Variants in EYS observed in about 807,000 individuals in gnomAD.
The protein encoded by EYS is protein eyes shut homolog.
Under a neutral mutation model 282.1 loss-of-function variants are expected in EYS, and 250 were observed. That is an observed-to-expected ratio of 0.89 (90% confidence interval 0.80 to 0.98). The LOEUF is 0.98. EYS is among the 50% of genes least tolerant of loss of function. The probability of loss-of-function intolerance (pLI) is 0.00; values close to 1 mark genes in which losing one functional copy is unlikely to be tolerated. For synonymous variants in EYS, 1,355 were observed against 1,282.9 expected (o/e 1.06, Z -1.20); for missense variants, 4,016 against 3,709.0 (o/e 1.08, Z -2.15).
intron 33 of EYS, among the ~76,000 whole-genome samples, chr6:64,058,164 T>G (rs764583721): frequency 8.5e-5 from 13 of 152,068 alleles, no homozygotes; most frequent in Admixed American, 3.3e-4. Flanking sequence ...CTGCACATGT[T>G]GTCTTGCCTG....
chr6:63,755,929 T>TATTGG (rs1454934726), intron 41 of EYS, among the ~76,000 whole-genome samples: 1 of 151,682 alleles, frequency 6.6e-6, no homozygotes, highest in Non-Finnish European at 1.5e-5. Flanking sequence ...ATTTGGCTGT[T>TATTGG]TGTCTATTAT....
At chr6:65,594,414 T>C (rs996373981) in intron 2 of EYS, among the ~76,000 whole-genome samples, 3 of 151,990 alleles carry the variant, frequency 2.0e-5, no homozygotes, top group African/African-American at 7.2e-5. Flanking sequence ...AGTAGTAAAC[T>C]ATTATTTACT....
At chr6:65,418,985 C>T (rs1259820621) in intron 5 of EYS, among the ~76,000 whole-genome samples, 2 of 151,828 alleles carry the variant, frequency 1.3e-5, no homozygotes, top group African/African-American at 2.4e-5. Flanking sequence ...AGGGGCTTGC[C>T]TAATCTCTGG....
chr6:64,911,830 C>T (rs985042826), intron 16 of EYS, among the ~76,000 whole-genome samples: 1 of 152,090 alleles, frequency 6.6e-6, no homozygotes, highest in African/African-American at 2.4e-5. Flanking sequence ...ATTAATAAGA[C>T]TTTCTTCGCT....
intron 26 of EYS, among the ~76,000 whole-genome samples, chr6:64,464,405 G>A (rs2150487554): frequency 1.3e-5 from 2 of 152,218 alleles, no homozygotes; most frequent in South Asian, 4.1e-4. Context: ...AGACTAGGGT[G>A]CTTTACATTT....
chr6:65,226,038 A>G (rs1766616378), intron 12 of EYS, among the ~76,000 whole-genome samples: 1 of 152,024 alleles, frequency 6.6e-6, no homozygotes, highest in African/African-American at 2.4e-5. Context: ...ACTATGCAAG[A>G]AAAACAAAGA....
intron 22 of EYS, among the ~76,000 whole-genome samples, chr6:64,702,986 A>G (rs1475587188): frequency 6.6e-6 from 1 of 152,110 alleles, no homozygotes; most frequent in African/African-American, 2.4e-5. Context: ...AATGTGACAG[A>G]CATTGTTAAA....
At chr6:64,828,542 C>T (rs1765125931) in intron 19 of EYS, among the ~76,000 whole-genome samples, 1 of 151,894 alleles carries the variant, frequency 6.6e-6, no homozygotes, top group Non-Finnish European at 1.5e-5. Flanking sequence ...TGGACCAAAA[C>T]TAAAATATAT....
chr6:65,310,236 C>T (rs1004930823), intron 11 of EYS, among the ~76,000 whole-genome samples: 7 of 152,112 alleles, frequency 4.6e-5, no homozygotes, highest in Non-Finnish European at 1.0e-4. Flanking sequence ...CCCAGCTACT[C>T]GGGAGGCTGA....
chr6:65,085,420 A>G (rs1198776108), intron 12 of EYS, among the ~76,000 whole-genome samples: 1 of 152,164 alleles, frequency 6.6e-6, no homozygotes, highest in Non-Finnish European at 1.5e-5. Context: ...CTGTAGTCCC[A>G]TGAATTTTCT....
intron 1 of EYS, among the ~76,000 whole-genome samples, chr6:65,701,726 G>A (rs781075283): frequency 9.2e-5 from 14 of 151,804 alleles, no homozygotes; most frequent in Non-Finnish European, 1.8e-4. Context: ...CACAATCTTT[G>A]TTGTCTAATT....
At chr6:64,769,963 A>T (rs1489389429) in intron 22 of EYS, among the ~76,000 whole-genome samples, 1 of 152,032 alleles carries the variant, frequency 6.6e-6, no homozygotes, top group African/African-American at 2.4e-5. Context: ...ATACAGATGT[A>T]AATATATATA....
At chr6:65,432,379 A>G (rs1032316814) in intron 5 of EYS, among the ~76,000 whole-genome samples, 10 of 152,206 alleles carry the variant, frequency 6.6e-5, no homozygotes, top group African/African-American at 2.4e-4. Context: ...ATAGGTACAT[A>G]CGTACACACA....
chr6:63,914,432 G>A (rs1032911102), intron 35 of EYS, among the ~76,000 whole-genome samples: 1 of 152,138 alleles, frequency 6.6e-6, no homozygotes, highest in African/African-American at 2.4e-5. Context: ...AACAAGGCCG[G>A]GTGCAGTGGC....
chr6:64,790,900 G>GA (rs1263428492), intron 22 of EYS, among the ~76,000 whole-genome samples: 1 of 151,628 alleles, frequency 6.6e-6, no homozygotes, highest in Non-Finnish European at 1.5e-5. Flanking sequence ...GAAAATGCAG[G>GA]AAAAAATTTC....
chr6:63,773,031 T>A (rs1325105479), intron 40 of EYS, among the ~76,000 whole-genome samples: 2 of 152,158 alleles, frequency 1.3e-5, no homozygotes, highest in Non-Finnish European at 2.9e-5. Flanking sequence ...TAGCAACATA[T>A]AAAAGGTCTT....
At chr6:65,379,267 C>A (rs1562136525) in intron 8 of EYS, among the ~76,000 whole-genome samples, 2 of 152,008 alleles carry the variant, frequency 1.3e-5, no homozygotes, top group South Asian at 4.1e-4. Context: ...GCTTATCCAC[C>A]ACGACCAATT....
At position 65,611,549 on chromosome 6, in the gene EYS, A is replaced by T. The variant is rs9453343; in HGVS notation, c.-333+28229T>A. On this transcript the variant is annotated intron_variant, in intron 2 of 42. Transcript: ENST00000503581. ...GCAGAAAAAGACTGAAAAGATTTCG[A>T]ATTAAAATTATTTTATTGTAAAAAT... Among the ~76,000 whole-genome samples the T allele has an allele frequency of 5.5e-4, 83 of 152,176 alleles. 1 individual carries two copies. The highest frequency in any genetic ancestry group is 1.9e-3 in the African/African-American group (78 of 41,584).
At chr6:64,972,000 CA>C (rs561808817) in intron 14 of EYS, among the ~76,000 whole-genome samples, 6 of 149,100 alleles carry the variant, frequency 4.0e-5, no homozygotes, top group East Asian at 3.9e-4. Flanking sequence ...GTGGATATGG[CA>C]AAAAAAAAGA....
Sources: allele counts gnomAD v4.1 joint callset (sites outside exome capture counted in the v4.1 genomes callset), GRCh38; gene constraint gnomAD v4.1.1; transcripts MANE v1.5; gene names NCBI Gene and HGNC (gene_info 2026-07-23, HGNC 2026-07-21).